Variants in TPRG1 observed in about 807,000 individuals in gnomAD.
The protein encoded by TPRG1 is tumor protein p63-regulated gene 1 protein.
Under a neutral mutation model 29.3 loss-of-function variants are expected in TPRG1, and 29 were observed. The ratio of observed to expected loss-of-function variants is 0.99; its 90% CI spans 0.74 to 1.35. The LOEUF (loss-of-function observed/expected upper bound fraction) is 1.35, where lower values mean the gene tolerates loss of function less well. Among genes scored for constraint, TPRG1 ranks in the 40% most tolerant of loss-of-function variants. The probability of loss-of-function intolerance (pLI) is 0.00; values close to 1 mark genes in which losing one functional copy is unlikely to be tolerated. For missense variants in TPRG1, 327 were observed against 335.0 expected (o/e 0.98, Z 0.19); for synonymous variants, 130 against 116.8 (o/e 1.11, Z -0.73).
chr3:189,244,669 T>C (rs1741122533), intron 4 of TPRG1, among the ~76,000 whole-genome samples: 1 of 152,054 alleles, frequency 6.6e-6, no homozygotes, highest in Non-Finnish European at 1.5e-5. Flanking sequence ...CATTAAACCA[T>C]TCCTGAGAAA....
At chr3:189,130,711 A>T (rs1352911281) in intron 2 of TPRG1, among the ~76,000 whole-genome samples, 1 of 152,220 alleles carries the variant, frequency 6.6e-6, no homozygotes, top group African/African-American at 2.4e-5. Flanking sequence ...ACACACTCAT[A>T]ATGTGATGTG....
chr3:189,187,410 G>A (rs568183342), intron 1 of TPRG1, among the ~76,000 whole-genome samples: 21 of 152,028 alleles, frequency 1.4e-4, no homozygotes, highest in African/African-American at 4.6e-4. Context: ...GGGTTCAAGC[G>A]ATTCTTCTGC....
chr3:189,205,857 C>G (rs538063159), intron 1 of TPRG1, among the ~76,000 whole-genome samples: 1 of 152,290 alleles, frequency 6.6e-6, no homozygotes, highest in South Asian at 2.1e-4. Flanking sequence ...CTAGCACCCA[C>G]AGACATGCAA....
At chr3:189,272,131 T>A (rs1406528191) in intron 4 of TPRG1, among the ~76,000 whole-genome samples, 2 of 152,208 alleles carry the variant, frequency 1.3e-5, no homozygotes, top group African/African-American at 4.8e-5. Flanking sequence ...CACAGTGCAA[T>A]CAATCCCTTT....
At chr3:189,214,565 TAGTAC>T (rs1230770761) in intron 2 of TPRG1, among the ~76,000 whole-genome samples, 2 of 152,166 alleles carry the variant, frequency 1.3e-5, no homozygotes, top group African/African-American at 4.8e-5. Flanking sequence ...GTGGTTCTCT[TAGTAC>T]AGTCTCCACA....
At chr3:189,266,747 AC>A (rs145450801) in intron 4 of TPRG1, among the ~76,000 whole-genome samples, 31,435 of 152,090 alleles carry the variant, frequency 0.21, 4,310 homozygotes, top group African/African-American at 0.4. Flanking sequence ...ATTATTATTG[AC>A]CATCAGAAGC....
chr3:189,271,839 G>A (rs1403064435), intron 4 of TPRG1, among the ~76,000 whole-genome samples: 1 of 152,212 alleles, frequency 6.6e-6, no homozygotes, highest in African/African-American at 2.4e-5. Context: ...ATTTACTTGT[G>A]TACTTGTGGT....
chr3:189,021,245 T>G (rs1378280286), intron 3 of TPRG1, among the ~76,000 whole-genome samples: 1 of 151,036 alleles, frequency 6.6e-6, no homozygotes, highest in African/African-American at 2.4e-5. Flanking sequence ...AAAGTTAATA[T>G]TGTTATGTGT....
At position 189,304,557 on chromosome 3, in the gene TPRG1, G is replaced by A. The variant is rs145448890; in HGVS notation, c.480-5829G>A. On this transcript the variant is annotated intron_variant, in intron 4 of 5. Transcript: ENST00000345063. ...AGAGCAGATAAAGGCAGCACCTGCCGATGGGTTTGGAACAGCCTGGGGACA... is the reference window on the plus strand; with the variant it reads ...AGAGCAGATAAAGGCAGCACCTGCCAATGGGTTTGGAACAGCCTGGGGACA... Among the ~76,000 whole-genome samples the A allele has an allele frequency of 3.8e-3, 586 of 152,282 alleles. 1 individual carries two copies. Among genetic ancestry groups the A allele is most frequent in the African/African-American group, 0.014 (567 of 41,558 alleles).
intron 4 of TPRG1, 33 bp from the exon 5 acceptor site, chr3:189,310,353 T>A (rs765280768): frequency 1.3e-6 from 2 of 1,494,034 alleles, no homozygotes; most frequent in Non-Finnish European, 1.8e-6. Context: ...GAAATGGAAA[T>A]GACTAATCTA....
At chr3:189,044,380 C>T (rs141548098) in intron 4 of TPRG1, among the ~76,000 whole-genome samples, 12 of 152,230 alleles carry the variant, frequency 7.9e-5, no homozygotes, top group African/African-American at 9.6e-5. Context: ...CATGGCAAAA[C>T]GCTGTCTCTA....
intron 3 of TPRG1, among the ~76,000 whole-genome samples, chr3:189,009,738 T>G (rs1332280733): frequency 1.3e-5 from 2 of 152,062 alleles, no homozygotes; most frequent in Non-Finnish European, 2.9e-5. Flanking sequence ...AGTGTTATCT[T>G]ATGACTCTCA....
At chr3:189,259,671 C>T (rs1228094929) in intron 4 of TPRG1, among the ~76,000 whole-genome samples, 1 of 151,666 alleles carries the variant, frequency 6.6e-6, no homozygotes, top group Non-Finnish European at 1.5e-5. Flanking sequence ...GGTTTCAGCA[C>T]GTTGGCCAGG....
At chr3:189,007,107 G>A (rs1370064827) in intron 3 of TPRG1, among the ~76,000 whole-genome samples, 1 of 151,676 alleles carries the variant, frequency 6.6e-6, no homozygotes, top group Non-Finnish European at 1.5e-5. Flanking sequence ...GAGTGAACAG[G>A]CAACCTACAA....
intron 4 of TPRG1, 113 bp from the exon 5 acceptor site, chr3:189,310,273 G>T (rs1211992300): frequency 2.3e-6 from 2 of 871,818 alleles, no homozygotes; most frequent in Non-Finnish European, 3.2e-6. Flanking sequence ...AAAATCTTTT[G>T]AACAGTTTAA....
intron 1 of TPRG1, among the ~76,000 whole-genome samples, chr3:189,104,762 T>G (rs1022302875): frequency 1.3e-5 from 2 of 152,044 alleles, no homozygotes; most frequent in African/African-American, 2.4e-5. Context: ...GTGCATTTTC[T>G]TGGATGTGCC....
intron 3 of TPRG1, among the ~76,000 whole-genome samples, chr3:189,140,999 C>T (rs1222007960): frequency 6.6e-6 from 1 of 152,082 alleles, no homozygotes; most frequent in East Asian, 1.9e-4. Flanking sequence ...TAACACAGCT[C>T]AAAAGTGGAC....
At chr3:189,312,177 C>G (rs369929150) in intron 5 of TPRG1, among the ~76,000 whole-genome samples, 1 of 54,156 alleles carries the variant, frequency 1.8e-5, no homozygotes, top group South Asian at 8.8e-4. Flanking sequence ...TTCTTTCTTT[C>G]TTTCTTTTTT....
chr3:189,070,176 G>A (rs1458869635), intron 4 of TPRG1, among the ~76,000 whole-genome samples: 1 of 152,202 alleles, frequency 6.6e-6, no homozygotes, highest in Admixed American at 6.5e-5. Context: ...GTTACATACT[G>A]TATGATTTAA....
Sources: gnomAD v4.1 joint callset for allele counts (sites outside exome capture counted in the v4.1 genomes callset) on GRCh38, gnomAD v4.1.1 for gene constraint, MANE v1.5 for transcripts, NCBI Gene and HGNC (gene_info 2026-07-23, HGNC 2026-07-21) for gene names.